The following ATP10B variants were observed in gnomAD, a reference collection of about 807,000 sequenced individuals.
The protein encoded by ATP10B is phospholipid-transporting ATPase VB.
A neutral mutation model predicts 141.2 loss-of-function variants in ATP10B; 122 were observed. The observed-to-expected ratio is 0.86, with a 90% CI of 0.75 to 1.00. ATP10B has a LOEUF of 1.00. Among genes scored for constraint, ATP10B ranks in the 50% least tolerant of loss-of-function variants. The pLI is 0.00. For missense variants in ATP10B, 1,876 were observed against 1,825.3 expected (o/e 1.03, Z -0.51); for synonymous variants, 685 against 692.0 (o/e 0.99, Z 0.16).
intron 1 of ATP10B, among the ~76,000 whole-genome samples, chr5:160,819,088 T>G (rs1773909233): frequency 6.6e-6 from 1 of 152,152 alleles, no homozygotes; most frequent in Non-Finnish European, 1.5e-5. Flanking sequence ...ACATGGCACG[T>G]GTATACATAT....
At chr5:160,744,572 C>A (rs1379977422) in intron 2 of ATP10B, among the ~76,000 whole-genome samples, 1 of 152,182 alleles carries the variant, frequency 6.6e-6, no homozygotes, top group Non-Finnish European at 1.5e-5. Context: ...AAATTTGGGT[C>A]TGTTTGTTCC....
chr5:160,785,822 A>G lies in ATP10B; in HGVS notation c.-575-19T>C. ...AGGAAGCCTGCACGACACAGGACAG[A>G]AAAGAAATACAAAATATACAATCTC... On this transcript the variant is annotated intron_variant, in intron 1 of 25. Coordinates refer to ENST00000327245, the MANE Select transcript of ATP10B (RefSeq NM_025153.3). 2.6e-6 allele frequency: 1 copy of G among 388,986 alleles called. No homozygotes were observed. The highest frequency in any genetic ancestry group is 4.3e-6 in the Non-Finnish European group (1 of 232,486). 24.1% of individuals were successfully genotyped at this position (388,986 alleles called of 1,614,324 possible). A position where few individuals can be genotyped will look rare whatever the true frequency, so the allele number is the denominator to read the frequency against.
chr5:160,635,733 G>A (rs1350256018), intron 11 of ATP10B, among the ~76,000 whole-genome samples: 1 of 151,866 alleles, frequency 6.6e-6, no homozygotes, highest in African/African-American at 2.4e-5. Flanking sequence ...GTCCTATATT[G>A]GGCCAGTTCT....
intron 23 of ATP10B, among the ~76,000 whole-genome samples, chr5:160,590,597 A>G (rs927970224): frequency 6.6e-6 from 1 of 152,198 alleles, no homozygotes; most frequent in African/African-American, 2.4e-5. Flanking sequence ...CATTATCGGA[A>G]CTTGCTGCCT....
intron 1 of ATP10B, among the ~76,000 whole-genome samples, chr5:160,851,313 A>G (rs894998933): frequency 5.9e-5 from 9 of 152,202 alleles, no homozygotes; most frequent in African/African-American, 1.9e-4. Context: ...CAGCCTTAAT[A>G]GCAGGCCACA....
intron 2 of ATP10B, among the ~76,000 whole-genome samples, chr5:160,759,072 T>A (rs1768843159): frequency 6.6e-6 from 1 of 152,034 alleles, no homozygotes; most frequent in South Asian, 2.1e-4. Flanking sequence ...AAATATTATA[T>A]GATCATTAGA....
intron 5 of ATP10B, 105 bp downstream of exon 5, chr5:160,687,695 G>A: frequency 1.5e-6 from 2 of 1,295,678 alleles, no homozygotes; most frequent in Non-Finnish European, 2.1e-6. Flanking sequence ...AACCCAGGAG[G>A]TGAAGGTTGC....
At chr5:160,614,792 C>T (rs1433576697) in intron 17 of ATP10B, among the ~76,000 whole-genome samples, 2 of 152,168 alleles carry the variant, frequency 1.3e-5, no homozygotes, top group Admixed American at 6.5e-5. Flanking sequence ...GCATGTGACT[C>T]ATCCAGAGAA....
At chr5:160,717,271 A>C (rs1225559024) in intron 2 of ATP10B, among the ~76,000 whole-genome samples, 1 of 152,214 alleles carries the variant, frequency 6.6e-6, no homozygotes, top group Non-Finnish European at 1.5e-5. Flanking sequence ...CTTCAACTAT[A>C]TCTCTAAATT....
At chr5:160,885,911 T>G in the ATP10B span, among the ~76,000 whole-genome samples, 2 of 152,230 alleles carry the variant, frequency 1.3e-5, no homozygotes, top group East Asian at 3.8e-4. Context: ...AAATTACTCT[T>G]CCAGAAGTCA....
At chr5:160,594,905 G>C (rs1191519454) in intron 22 of ATP10B, among the ~76,000 whole-genome samples, 1 of 152,176 alleles carries the variant, frequency 6.6e-6, no homozygotes, top group Non-Finnish European at 1.5e-5. Flanking sequence ...AGTCCTGAGT[G>C]ACCTACAAAG....
chr5:160,673,740 A>C (rs200045953), intron 6 of ATP10B, among the ~76,000 whole-genome samples: 2 of 21,184 alleles, frequency 9.4e-5, no homozygotes, highest in African/African-American at 2.0e-4. Flanking sequence ...GTAACAGTCA[A>C]ACACCTCGTG....
chr5:160,751,122 GC>G (rs1768122665), intron 2 of ATP10B, among the ~76,000 whole-genome samples: 2 of 152,172 alleles, frequency 1.3e-5, no homozygotes, highest in Non-Finnish European at 2.9e-5. Context: ...GCTCTGAGAG[GC>G]CACAGCATGT....
chr5:160,884,240 ATGT>A, the ATP10B span, among the ~76,000 whole-genome samples: 1 of 152,092 alleles, frequency 6.6e-6, no homozygotes, highest in African/African-American at 2.4e-5. Context: ...AGGTGGCTTA[ATGT>A]TGTACTTGTT....
chr5:160,797,192 A>G (rs182392684), intron 1 of ATP10B, among the ~76,000 whole-genome samples: 213 of 152,294 alleles, frequency 1.4e-3, no homozygotes, highest in African/African-American at 5.0e-3. Context: ...CTTGCCTGCT[A>G]CAACAGCTGG....
In ATP10B at chr5:160,564,658, C is replaced by T. The variant is rs1352671684; in HGVS notation, c.*795G>A. 2 of 152,078 alleles carry T rather than the reference C, an allele frequency of 1.3e-5. No homozygotes were observed. The highest frequency in any genetic ancestry group is 4.8e-5 in the African/African-American group (2 of 41,416). The allele number at this position is 152,078 out of a possible 1,614,324, so 9.4% of individuals were successfully genotyped here. A position where few individuals can be genotyped will look rare whatever the true frequency, so the allele number is the denominator to read the frequency against. On this transcript the variant is annotated 3_prime_UTR_variant, in exon 26 of 26. Coordinates refer to ENST00000327245, the MANE Select transcript of ATP10B (RefSeq NM_025153.3). ...GGGCAATTTTATTTAAAAATAGATA[C>T]AATAAATAGCTTTAAAAAAAGAGTG...
chr5:160,925,530 TAAATTG>T, the ATP10B span, among the ~76,000 whole-genome samples: 1 of 152,236 alleles, frequency 6.6e-6, no homozygotes. Flanking sequence ...GTCACTGTGA[TAAATTG>T]CCTCTTGCAT....
At chr5:160,883,622 A>G in the ATP10B span, among the ~76,000 whole-genome samples, 1 of 152,224 alleles carries the variant, frequency 6.6e-6, no homozygotes, top group Non-Finnish European at 1.5e-5. Flanking sequence ...GCCTTAGTTT[A>G]TCACGTTTAT....
intron 7 of ATP10B, among the ~76,000 whole-genome samples, chr5:160,668,821 T>C (rs557392211): frequency 6.6e-6 from 1 of 152,338 alleles, no homozygotes; most frequent in African/African-American, 2.4e-5. Context: ...GCTATTATTA[T>C]TCCCATGATA....
Sources: gnomAD v4.1 joint callset for allele counts (sites outside exome capture counted in the v4.1 genomes callset) on GRCh38, gnomAD v4.1.1 for gene constraint, MANE v1.5 for transcripts, NCBI Gene and HGNC (gene_info 2026-07-23, HGNC 2026-07-21) for gene names.